Variants in PDE10A observed in about 807,000 individuals in gnomAD.
PDE10A encodes the protein cAMP and cAMP-inhibited cGMP 3',5'-cyclic phosphodiesterase 10A.
In PDE10A, 39 loss-of-function variants were observed where a neutral mutation model predicts 97.7. The observed-to-expected ratio is 0.40, with a 90% CI of 0.31 to 0.52. The LOEUF is 0.52. Among genes scored for constraint, PDE10A ranks in the 20% least tolerant of loss-of-function variants. The probability of loss-of-function intolerance (pLI) is 0.56; values close to 1 mark genes in which losing one functional copy is unlikely to be tolerated. For synonymous variants in PDE10A, 371 were observed against 376.8 expected (o/e 0.98, Z 0.18); for missense variants, 731 against 1,047.8 (o/e 0.70, Z 4.17).
intron 1 of PDE10A, among the ~76,000 whole-genome samples, chr6:165,620,780 T>C (rs60271509): frequency 0.033 from 4,272 of 130,714 alleles, 170 homozygotes; most frequent in African/African-American, 0.13. Flanking sequence ...CCCAACCCTT[T>C]GGGAGGTCGA....
chr6:165,561,018 G>C (rs1032754530), intron 1 of PDE10A, among the ~76,000 whole-genome samples: 1 of 152,182 alleles, frequency 6.6e-6, no homozygotes, highest in African/African-American at 2.4e-5. Flanking sequence ...AGGAGATCGA[G>C]ACCATCCTGG....
intron 1 of PDE10A, among the ~76,000 whole-genome samples, chr6:165,972,624 G>C (rs934430195): frequency 6.6e-6 from 1 of 152,186 alleles, no homozygotes; most frequent in Non-Finnish European, 1.5e-5. Context: ...GGAGTCTCCA[G>C]TGGCACTGAG....
intron 3 of PDE10A, among the ~76,000 whole-genome samples, chr6:165,472,216 T>C (rs1239533675): frequency 3.3e-5 from 5 of 152,154 alleles, no homozygotes; most frequent in African/African-American, 4.8e-5. Context: ...ATTTTGATAA[T>C]TTGTAATTTC....
intron 1 of PDE10A, among the ~76,000 whole-genome samples, chr6:165,798,271 A>G (rs1583106797): frequency 1.3e-5 from 2 of 152,214 alleles, no homozygotes; most frequent in Non-Finnish European, 2.9e-5. Context: ...ATACAGGTAA[A>G]TTTTGTAAAA....
chr6:165,954,076 C>A (rs539272682), intron 1 of PDE10A, among the ~76,000 whole-genome samples: 10 of 152,202 alleles, frequency 6.6e-5, no homozygotes, highest in Non-Finnish European at 1.2e-4. Flanking sequence ...CTTTTCCTGA[C>A]AACAGCTCAT....
At chr6:165,876,557 T>G (rs1394386955) in intron 1 of PDE10A, among the ~76,000 whole-genome samples, 27 of 152,228 alleles carry the variant, frequency 1.8e-4, no homozygotes, top group Admixed American at 1.8e-3. Flanking sequence ...ATCAGGGTTT[T>G]GGTAGCAAAA....
intron 1 of PDE10A, among the ~76,000 whole-genome samples, chr6:165,933,721 G>T (rs999384333): frequency 6.6e-6 from 1 of 152,138 alleles, no homozygotes; most frequent in African/African-American, 2.4e-5. Flanking sequence ...TTTGGTACAG[G>T]ATTTTTAGGC....
chr6:165,643,948 T>C (rs1451391936), intron 1 of PDE10A, among the ~76,000 whole-genome samples: 1 of 152,234 alleles, frequency 6.6e-6, no homozygotes. Context: ...CACACTGTAC[T>C]TCATAAACAT....
intron 1 of PDE10A, among the ~76,000 whole-genome samples, chr6:165,820,566 A>G (rs1437956178): frequency 4.6e-5 from 7 of 152,218 alleles, no homozygotes; most frequent in African/African-American, 1.7e-4. Context: ...CACATCCTGG[A>G]AAGAAGCCTG....
chr6:165,581,192 A>G (rs914702739), intron 1 of PDE10A, among the ~76,000 whole-genome samples: 1 of 152,222 alleles, frequency 6.6e-6, no homozygotes, highest in Non-Finnish European at 1.5e-5. Context: ...TTCCAAAAGA[A>G]TACTTTAGAC....
At chr6:165,500,134 C>T (rs978977029) in intron 2 of PDE10A, among the ~76,000 whole-genome samples, 16 of 152,168 alleles carry the variant, frequency 1.1e-4, no homozygotes, top group Non-Finnish European at 1.5e-4. Flanking sequence ...TCTCACCACT[C>T]CTTTTCAGTA....
chr6:165,406,632 A>C (rs1055973298), intron 13 of PDE10A, among the ~76,000 whole-genome samples: 1 of 152,122 alleles, frequency 6.6e-6, no homozygotes, highest in Non-Finnish European at 1.5e-5. Context: ...CTAAGTGTCA[A>C]CTTGACTGGG....
In PDE10A at chr6:165,327,843, GTTC is replaced by G. The variant is rs1562348049; in HGVS notation, c.*5179_*5181del. ...ACAGGTTCATTGACTCTACAAATCA[GTTC>G]TTCATGAGCATTGTATTTGTGATGG... is the stretch of plus-strand genomic sequence containing the variant. On this transcript the variant is annotated 3_prime_UTR_variant, in exon 22 of 22. Transcript: ENST00000539869. 6.6e-6 allele frequency: 1 copy of G among 152,172 alleles called. No individual in the cohort carries two copies. Among genetic ancestry groups the G allele is most frequent in the East Asian group, 1.9e-4 (1 of 5,204 alleles). The allele number at this position is 152,172 out of a possible 1,614,324, so 9.4% of individuals were successfully genotyped here.
intron 1 of PDE10A, among the ~76,000 whole-genome samples, chr6:165,618,276 A>T (rs1328783147): frequency 1.3e-5 from 2 of 152,168 alleles, no homozygotes; most frequent in African/African-American, 4.8e-5. Context: ...ATGTAACAAG[A>T]ATTTAACTTG....
chr6:165,846,574 C>T (rs958374325), intron 1 of PDE10A, among the ~76,000 whole-genome samples: 2 of 152,218 alleles, frequency 1.3e-5, no homozygotes, highest in Non-Finnish European at 2.9e-5. Context: ...TCACAGTGTG[C>T]ACCATCAGTC....
intron 1 of PDE10A, among the ~76,000 whole-genome samples, chr6:165,736,513 C>A (rs1443724992): frequency 2.0e-5 from 3 of 152,130 alleles, no homozygotes; most frequent in African/African-American, 7.2e-5. Context: ...TGCCACTGAA[C>A]CCTCGTGCAA....
chr6:165,608,908 T>G (rs1407018000), intron 1 of PDE10A, among the ~76,000 whole-genome samples: 5 of 152,244 alleles, frequency 3.3e-5, no homozygotes, highest in Admixed American at 6.5e-5. Context: ...CATAAATGTC[T>G]TCTTTTGAGA....
intron 1 of PDE10A, among the ~76,000 whole-genome samples, chr6:165,768,708 A>G (rs1021507): frequency 0.67 from 102,322 of 151,964 alleles, 35,485 homozygotes; most frequent in East Asian, 0.91. Flanking sequence ...AATCAAGACT[A>G]GCCTCTTAAA....
chr6:165,475,750 T>A (rs542895275), intron 3 of PDE10A, among the ~76,000 whole-genome samples: 2 of 152,328 alleles, frequency 1.3e-5, no homozygotes, highest in African/African-American at 4.8e-5. Context: ...ACTAACTGAA[T>A]TGAGCATTTC....
Sources: allele counts gnomAD v4.1 joint callset (sites outside exome capture counted in the v4.1 genomes callset), GRCh38; gene constraint gnomAD v4.1.1; transcripts MANE v1.5; gene names NCBI Gene and HGNC (gene_info 2026-07-23, HGNC 2026-07-21).